The following REDIC1 variants were observed in gnomAD, a reference collection of about 807,000 sequenced individuals.
REDIC1 encodes the protein HEI10 Interacting Protein 1.
At chr12:39,758,317 T>C in the REDIC1 span, 1 of 151,914 alleles carries the variant, frequency 6.6e-6, no homozygotes. Context: ...TCCTCAGCTG[T>C]ATTCTCAGCT....
chr12:39,784,505 G>A, the REDIC1 span, among the ~76,000 whole-genome samples: 1 of 152,174 alleles, frequency 6.6e-6, no homozygotes, highest in Admixed American at 6.5e-5. Context: ...ATGGTGCTGG[G>A]AAAACTCGCT....
the REDIC1 span, chr12:39,759,789 T>G: frequency 2.1e-6 from 1 of 475,726 alleles, no homozygotes; most frequent in Non-Finnish European, 3.7e-6. Flanking sequence ...ATTACACACA[T>G]TTGCTTAAGA....
chr12:39,705,202 G>T, the REDIC1 span, among the ~76,000 whole-genome samples: 1 of 151,950 alleles, frequency 6.6e-6, no homozygotes, highest in African/African-American at 2.4e-5. Context: ...CCAATAAGTT[G>T]GAAAATCTAG....
the REDIC1 span, among the ~76,000 whole-genome samples, chr12:39,872,286 C>A: frequency 6.6e-6 from 1 of 152,102 alleles, no homozygotes; most frequent in Non-Finnish European, 1.5e-5. Flanking sequence ...CTTTAATTGG[C>A]CACATAATAA....
the REDIC1 span, among the ~76,000 whole-genome samples, chr12:39,642,727 A>G: frequency 6.6e-6 from 1 of 151,772 alleles, no homozygotes; most frequent in Admixed American, 6.6e-5. Flanking sequence ...GTCTTTAAAA[A>G]TACATTTTAG....
chr12:39,728,208 G>A, the REDIC1 span, among the ~76,000 whole-genome samples: 52 of 152,192 alleles, frequency 3.4e-4, no homozygotes, highest in Admixed American at 2.2e-3. Flanking sequence ...AGAGGGCATC[G>A]TTGTCTTGTG....
the REDIC1 span, among the ~76,000 whole-genome samples, chr12:39,812,300 C>A: frequency 6.6e-6 from 1 of 151,252 alleles, no homozygotes; most frequent in African/African-American, 2.5e-5. Flanking sequence ...TCCCAAAGGC[C>A]CCACCTCTAA....
At chr12:39,747,110 A>G in the REDIC1 span, among the ~76,000 whole-genome samples, 1 of 152,076 alleles carries the variant, frequency 6.6e-6, no homozygotes, top group Non-Finnish European at 1.5e-5. Flanking sequence ...AGAAGGCTTC[A>G]GATGATCAGA....
At chr12:39,895,220 A>G in the REDIC1 span, among the ~76,000 whole-genome samples, 1 of 151,986 alleles carries the variant, frequency 6.6e-6, no homozygotes, top group Non-Finnish European at 1.5e-5. Flanking sequence ...GTACCTCAGG[A>G]TGTAACTAAA....
chr12:39,669,635 T>C, the REDIC1 span, among the ~76,000 whole-genome samples: 2 of 152,244 alleles, frequency 1.3e-5, no homozygotes, highest in South Asian at 2.1e-4. Flanking sequence ...TGTTTGTCTA[T>C]GCCCTGCCCC....
the REDIC1 span, among the ~76,000 whole-genome samples, chr12:39,669,641 GC>G: frequency 6.6e-6 from 1 of 152,232 alleles, no homozygotes; most frequent in Non-Finnish European, 1.5e-5. Context: ...TCTATGCCCT[GC>G]CCCCAGAGGT....
At chr12:39,699,636 C>T in the REDIC1 span, among the ~76,000 whole-genome samples, 2 of 151,774 alleles carry the variant, frequency 1.3e-5, no homozygotes, top group East Asian at 3.9e-4. Context: ...GTAGGCTCCA[C>T]CTCTGGGGGC....
chr12:39,659,721 T>A, the REDIC1 span, among the ~76,000 whole-genome samples: 1 of 152,180 alleles, frequency 6.6e-6, no homozygotes, highest in Non-Finnish European at 1.5e-5. Context: ...AATTCCATTA[T>A]TTTTGTCATT....
the REDIC1 span, among the ~76,000 whole-genome samples, chr12:39,854,350 A>G: frequency 2.6e-5 from 4 of 152,196 alleles, no homozygotes; most frequent in Admixed American, 2.6e-4. Context: ...CTTAGTTAAC[A>G]GAAACTATTA....
At chr12:39,815,441 A>G in the REDIC1 span, among the ~76,000 whole-genome samples, 6 of 152,298 alleles carry the variant, frequency 3.9e-5, no homozygotes, top group East Asian at 1.2e-3. Context: ...CAAAACAGCT[A>G]TAGGACTCGT....
At chr12:39,764,193 T>C in the REDIC1 span, among the ~76,000 whole-genome samples, 1 of 151,980 alleles carries the variant, frequency 6.6e-6, no homozygotes, top group African/African-American at 2.4e-5. Context: ...CCTGGGGAGA[T>C]AGCTGGGAGA....
chr12:39,712,867 G>C, the REDIC1 span, among the ~76,000 whole-genome samples: 3 of 13,720 alleles, frequency 2.2e-4, no homozygotes, highest in African/African-American at 3.2e-4. Flanking sequence ...GTATATACAC[G>C]TATATACACG....
the REDIC1 span, among the ~76,000 whole-genome samples, chr12:39,638,526 T>G: frequency 2.0e-5 from 3 of 152,046 alleles, no homozygotes; most frequent in Non-Finnish European, 4.4e-5. Context: ...TTTAATAAAT[T>G]TATTTTCTGT....
At chr12:39,666,936 A>G in the REDIC1 span, among the ~76,000 whole-genome samples, 2 of 151,828 alleles carry the variant, frequency 1.3e-5, no homozygotes, top group Middle Eastern at 3.4e-3. Context: ...TTTTTATTGC[A>G]TCTATTTGAT....
Sources: allele counts gnomAD v4.1 joint callset (sites outside exome capture counted in the v4.1 genomes callset), GRCh38; gene constraint gnomAD v4.1.1; transcripts MANE v1.5; gene names NCBI Gene and HGNC (gene_info 2026-07-23, HGNC 2026-07-21).